Variants in NRG3 observed in about 807,000 individuals in gnomAD.
NRG3 encodes the protein pro-neuregulin-3, membrane-bound isoform.
A neutral mutation model predicts 66.9 loss-of-function variants in NRG3; 31 were observed. The ratio of observed to expected loss-of-function variants is 0.46; its 90% confidence interval spans 0.35 to 0.63. NRG3 has a LOEUF of 0.63. NRG3 is among the 20% of genes least tolerant of loss of function. The probability of loss-of-function intolerance (pLI) is 0.00; values close to 1 mark genes in which losing one functional copy is unlikely to be tolerated. For missense variants in NRG3, 910 were observed against 878.9 expected, an observed-to-expected ratio of 1.04 and a Z score of -0.45; for synonymous variants, 393 against 359.4, an observed-to-expected ratio of 1.09 and a Z score of -1.06.
At chr10:82,552,937 A>G (rs1380183235) in intron 2 of NRG3, among the ~76,000 whole-genome samples, 1 of 151,956 alleles carries the variant, frequency 6.6e-6, no homozygotes, top group Non-Finnish European at 1.5e-5. Flanking sequence ...AAGTGATTGG[A>G]GATAGTTGAC....
chr10:82,213,153 C>G (rs2075486987), intron 1 of NRG3, among the ~76,000 whole-genome samples: 1 of 152,186 alleles, frequency 6.6e-6, no homozygotes, highest in South Asian at 2.1e-4. Context: ...GTAGTCAGAG[C>G]ACTTACTATC....
intron 4 of NRG3, among the ~76,000 whole-genome samples, chr10:82,906,634 G>GT (rs1333614159): frequency 3.9e-4 from 59 of 152,168 alleles, no homozygotes; most frequent in African/African-American, 1.3e-3. Context: ...ATTAAAACAT[G>GT]TCCAGTAGGA....
chr10:82,195,512 G>C (rs2074398571), intron 1 of NRG3, among the ~76,000 whole-genome samples: 1 of 152,124 alleles, frequency 6.6e-6, no homozygotes, highest in South Asian at 2.1e-4. Context: ...AATCGAACAA[G>C]CTCCCCCCAC....
At chr10:82,969,550 T>C (rs1366710399) in intron 6 of NRG3, among the ~76,000 whole-genome samples, 1 of 152,232 alleles carries the variant, frequency 6.6e-6, no homozygotes, top group Non-Finnish European at 1.5e-5. Flanking sequence ...GCAAAAAGAC[T>C]GACCAGCCTT....
At chr10:82,305,149 C>A (rs1348327217) in intron 1 of NRG3, among the ~76,000 whole-genome samples, 2 of 151,556 alleles carry the variant, frequency 1.3e-5, no homozygotes, top group Admixed American at 1.3e-4. Flanking sequence ...CGCCCACCAC[C>A]ACGCTCGGCT....
intron 1 of NRG3, among the ~76,000 whole-genome samples, chr10:81,970,910 C>T (rs2059909599): frequency 6.6e-6 from 1 of 152,228 alleles, no homozygotes. Flanking sequence ...GAGGTCAAGG[C>T]GGCTGGATTG....
At chr10:82,251,422 C>G (rs771200398) in intron 1 of NRG3, among the ~76,000 whole-genome samples, 1 of 152,136 alleles carries the variant, frequency 6.6e-6, no homozygotes, top group Non-Finnish European at 1.5e-5. Context: ...CTGCAGGTAC[C>G]GAGAAGGCTT....
At chr10:82,624,964 G>C (rs2049316092) in intron 2 of NRG3, among the ~76,000 whole-genome samples, 1 of 148,576 alleles carries the variant, frequency 6.7e-6, no homozygotes, top group Admixed American at 6.8e-5. Context: ...TGCATTATTT[G>C]AGCCTTAATA....
At chr10:82,879,701 C>T (rs751017886) in intron 4 of NRG3, among the ~76,000 whole-genome samples, 7 of 152,036 alleles carry the variant, frequency 4.6e-5, no homozygotes, top group Non-Finnish European at 1.0e-4. Context: ...TGGTCTCGAT[C>T]TCCTGACCTC....
intron 3 of NRG3, among the ~76,000 whole-genome samples, chr10:82,801,448 T>C (rs2061033885): frequency 6.6e-6 from 1 of 152,150 alleles, no homozygotes; most frequent in Non-Finnish European, 1.5e-5. Context: ...ACATTCCATC[T>C]GGAATGTGTC....
chr10:82,849,039 C>T (rs1047947707), intron 3 of NRG3, among the ~76,000 whole-genome samples: 3 of 152,158 alleles, frequency 2.0e-5, no homozygotes, highest in Admixed American at 6.5e-5. Flanking sequence ...ATACCAGTAA[C>T]TCCAATTACC....
intron 3 of NRG3, among the ~76,000 whole-genome samples, chr10:82,812,041 C>CTGA (rs1156393291): frequency 6.6e-6 from 1 of 152,194 alleles, no homozygotes; most frequent in African/African-American, 2.4e-5. Flanking sequence ...GGTATGAAGC[C>CTGA]TGATAGCTCA....
At chr10:82,941,948 T>C (rs1848610245) in intron 4 of NRG3, among the ~76,000 whole-genome samples, 1 of 152,178 alleles carries the variant, frequency 6.6e-6, no homozygotes, top group Non-Finnish European at 1.5e-5. Flanking sequence ...ATCTTGAGTA[T>C]GCGGGTTTCC....
At chr10:82,503,971 A>G (rs1022564199) in intron 2 of NRG3, among the ~76,000 whole-genome samples, 5 of 152,188 alleles carry the variant, frequency 3.3e-5, no homozygotes, top group African/African-American at 1.2e-4. Flanking sequence ...CATCTGTTAA[A>G]TGGAAAAAAA....
At chr10:82,421,982 T>C in intron 2 of NRG3, among the ~76,000 whole-genome samples, 1 of 152,062 alleles carries the variant, frequency 6.6e-6, no homozygotes, top group Non-Finnish European at 1.5e-5. Flanking sequence ...ATTGTTAGCT[T>C]GAGAACCAGA....
intron 1 of NRG3, among the ~76,000 whole-genome samples, chr10:82,196,125 A>G (rs2074434423): frequency 6.6e-6 from 1 of 152,200 alleles, no homozygotes; most frequent in Non-Finnish European, 1.5e-5. Context: ...GACTCCATCT[A>G]AAACCCGTGC....
At chr10:82,461,647 T>G (rs2091520484) in intron 2 of NRG3, among the ~76,000 whole-genome samples, 1 of 152,176 alleles carries the variant, frequency 6.6e-6, no homozygotes, top group Admixed American at 6.5e-5. Context: ...CGCACCCCAT[T>G]AAACTGTTAG....
intron 2 of NRG3, among the ~76,000 whole-genome samples, chr10:82,615,464 C>A (rs1455444072): frequency 6.6e-6 from 1 of 151,864 alleles, no homozygotes; most frequent in Non-Finnish European, 1.5e-5. Flanking sequence ...TTTACTATTG[C>A]CCTTTTTATT....
intron 2 of NRG3, among the ~76,000 whole-genome samples, chr10:82,583,624 G>A (rs949861266): frequency 1.7e-4 from 26 of 152,100 alleles, no homozygotes; most frequent in Non-Finnish European, 2.9e-5. Context: ...AATGAAATGT[G>A]TTATTTTATA....
Sources: allele counts gnomAD v4.1 joint callset (sites outside exome capture counted in the v4.1 genomes callset), GRCh38; gene constraint gnomAD v4.1.1; transcripts MANE v1.5; gene names NCBI Gene and HGNC (gene_info 2026-07-23, HGNC 2026-07-21).